Variants in ZBTB2 observed in about 807,000 individuals in gnomAD.
ZBTB2 encodes the protein zinc finger and BTB domain-containing protein 2.
Under a neutral mutation model 39.5 loss-of-function variants are expected in ZBTB2, and 2 were observed. The ratio of observed to expected loss-of-function variants is 0.05; its 90% confidence interval spans 0.02 to 0.16. The LOEUF is 0.16. Among genes scored for constraint, ZBTB2 ranks in the 10% least tolerant of loss-of-function variants. The pLI is 1.00. For missense variants in ZBTB2, 391 were observed against 653.0 expected (o/e 0.60, Z 4.37); for synonymous variants, 251 against 256.6 (o/e 0.98, Z 0.21).
chr6:151,387,814 G>A (rs1485487976), intron 1 of ZBTB2, among the ~76,000 whole-genome samples: 1 of 152,130 alleles, frequency 6.6e-6, no homozygotes, highest in Non-Finnish European at 1.5e-5. Context: ...GCATAAATAT[G>A]AGCCTCCAAG....
At chr6:151,389,385 TAAATC>T (rs1455824600) in intron 1 of ZBTB2, among the ~76,000 whole-genome samples, 4 of 152,230 alleles carry the variant, frequency 2.6e-5, no homozygotes, top group Admixed American at 2.0e-4. Context: ...TGGTTTGTGA[TAAATC>T]AGTCAAATGA....
At position 151,366,031 on chromosome 6, in the gene ZBTB2, G is replaced by A; in HGVS notation, c.1035C>T (p.Asp345=). ...GGTCGGCCTGCTCCAGGTTGTCAAT[G>A]TCAGCAATGTCTGAGGGGGGTGGGG... ...SETPPPSDIA[D]IDNLEQADQE... is the part of the protein sequence containing the mutation. The change falls in exon 3 of 3, where the codon GAC becomes GAT. Residue 345 remains aspartate, a synonymous_variant. Coordinates refer to ENST00000325144, the MANE Select transcript of ZBTB2 (RefSeq NM_020861.3). The surrounding 1 kb of genome is among the most constrained non-coding windows in gnomAD (Gnocchi z 7.1). The A allele has an allele frequency of 2.5e-6, 4 of 1,614,162 alleles. No individual in the cohort carries two copies. The highest frequency in any genetic ancestry group is 3.4e-6 in the Non-Finnish European group (4 of 1,180,026).
At chr6:151,390,079 C>T in intron 1 of ZBTB2, among the ~76,000 whole-genome samples, 1 of 152,110 alleles carries the variant, frequency 6.6e-6, no homozygotes, top group African/African-American at 2.4e-5. Flanking sequence ...AAGCACAGCG[C>T]GCTCGGGGCC....
intron 1 of ZBTB2, among the ~76,000 whole-genome samples, chr6:151,389,388 A>G (rs1408676289): frequency 2.6e-5 from 4 of 152,214 alleles, no homozygotes; most frequent in Non-Finnish European, 5.9e-5. Flanking sequence ...TTTGTGATAA[A>G]TCAGTCAAAT....
At chr6:151,384,935 A>T (rs1779121154) in intron 1 of ZBTB2, among the ~76,000 whole-genome samples, 1 of 152,016 alleles carries the variant, frequency 6.6e-6, no homozygotes, top group Non-Finnish European at 1.5e-5. Context: ...CCTACAGAGC[A>T]TTCCTAAAAG....
rs1482358536 is a variant in ZBTB2, at chr6:151,365,437, T to C, written c.*84A>G. ...ACAAGGACCTGTTTGTATCATGCCATGGAGAACTACAGTTCTGAATTCAGG... is the reference window on the plus strand; with the variant it reads ...ACAAGGACCTGTTTGTATCATGCCACGGAGAACTACAGTTCTGAATTCAGG... On this transcript the variant is annotated 3_prime_UTR_variant, in exon 3 of 3. Coordinates refer to ENST00000325144, the MANE Select transcript of ZBTB2 (RefSeq NM_020861.3). This position sits in a 1 kb window ranked among gnomAD's most constrained non-coding sequence, Gnocchi z 5.6. 1 of 1,463,914 alleles carries C rather than the reference T, an allele frequency of 6.8e-7. No homozygotes were observed. The highest frequency in any genetic ancestry group is 9.2e-7 in the Non-Finnish European group (1 of 1,085,218). 90.7% of individuals were successfully genotyped at this position (1,463,914 alleles called of 1,614,324 possible).
At chr6:151,379,277 T>C (rs1778981791) in intron 1 of ZBTB2, among the ~76,000 whole-genome samples, 2 of 152,130 alleles carry the variant, frequency 1.3e-5, no homozygotes, top group Non-Finnish European at 2.9e-5. Flanking sequence ...TATTGACCAT[T>C]TGTATTTCCT....
intron 1 of ZBTB2, among the ~76,000 whole-genome samples, chr6:151,377,190 G>C (rs1455049184): frequency 6.6e-6 from 1 of 152,006 alleles, no homozygotes; most frequent in East Asian, 1.9e-4. Context: ...GCATGGCTAT[G>C]GAAGGGCAAC....
chr6:151,390,850 C>G (rs1328294619), intron 1 of ZBTB2, among the ~76,000 whole-genome samples: 1 of 147,402 alleles, frequency 6.8e-6, no homozygotes, highest in Non-Finnish European at 1.5e-5. Flanking sequence ...CAGCAGGAGG[C>G]GGCGGCGAGG....
chr6:151,373,756 C>A, intron 1 of ZBTB2, 107 bp from the exon 2 acceptor site: 1 of 949,870 alleles, frequency 1.1e-6, no homozygotes, highest in Non-Finnish European at 1.5e-6. Context: ...TCATAGCTAA[C>A]GTGTCAGGCA....
At chr6:151,384,029 G>A (rs768357547) in intron 1 of ZBTB2, among the ~76,000 whole-genome samples, 24 of 152,172 alleles carry the variant, frequency 1.6e-4, no homozygotes, top group Admixed American at 5.9e-4. Flanking sequence ...TACCAGCTGG[G>A]TGACTGAGGG....
intron 1 of ZBTB2, among the ~76,000 whole-genome samples, chr6:151,390,338 C>T (rs1385777944): frequency 2.5e-5 from 3 of 121,056 alleles, no homozygotes; most frequent in African/African-American, 4.0e-5. Context: ...CCGGTCTCGC[C>T]GGCCCCGCCC....
chr6:151,389,090 AG>A, intron 1 of ZBTB2, among the ~76,000 whole-genome samples: 1 of 152,346 alleles, frequency 6.6e-6, no homozygotes, highest in Non-Finnish European at 1.5e-5. Context: ...CCAGTTTAAA[AG>A]GATGTCCTAT....
chr6:151,390,385 G>A (rs536617088), intron 1 of ZBTB2, among the ~76,000 whole-genome samples: 1 of 150,432 alleles, frequency 6.6e-6, no homozygotes, highest in African/African-American at 2.4e-5. Context: ...TGAGGGGGAG[G>A]GAGGGGCGAC....
In ZBTB2 at chr6:151,366,400, C is replaced by T; in HGVS notation, c.666G>A (p.Leu222=). Residue 222 remains leucine, a synonymous_variant, in exon 3 of 3, where the codon CTG becomes CTA. Coordinates refer to ENST00000325144, the MANE Select transcript of ZBTB2 (RefSeq NM_020861.3). The surrounding 1 kb of genome is among the most constrained non-coding windows in gnomAD (Gnocchi z 7.1). ...GCTGCTCATCGGAGGAAGATGCTTC[C>T]AGATTGGTCTCCTCCCCGGGAGGAG... is the stretch of plus-strand genomic sequence containing the variant. The part of the protein sequence containing the change: ...PPPPPGEETN[L]EASSSDEQPA... 1 of 1,614,062 alleles carries T rather than the reference C, an allele frequency of 6.2e-7. No homozygotes were observed. The highest frequency in any genetic ancestry group is 8.5e-7 in the Non-Finnish European group (1 of 1,180,016).
At chr6:151,383,347 G>A (rs1026967363) in intron 1 of ZBTB2, among the ~76,000 whole-genome samples, 6 of 152,172 alleles carry the variant, frequency 3.9e-5, no homozygotes, top group African/African-American at 1.4e-4. Flanking sequence ...ACCTTGCCCA[G>A]CTAATTATAT....
At chr6:151,391,024 A>ACCCTCCCTCCGATCCGCCGCCCG (rs1779291707) in intron 1 of ZBTB2, among the ~76,000 whole-genome samples, 2 of 14,234 alleles carry the variant, frequency 1.4e-4, no homozygotes, top group Admixed American at 5.6e-4. Context: ...CCTCCCTCCC[A>ACCCTCCCTCCGATCCGCCGCCCG]CCCTCCCTCC....
chr6:151,374,993 G>A (rs1462572364), intron 1 of ZBTB2, among the ~76,000 whole-genome samples: 5 of 149,950 alleles, frequency 3.3e-5, no homozygotes, highest in South Asian at 2.1e-4. Flanking sequence ...GGTGGCAGGC[G>A]CCTGTAGTCC....
At chr6:151,377,443 A>C (rs1778938583) in intron 1 of ZBTB2, among the ~76,000 whole-genome samples, 2 of 147,530 alleles carry the variant, frequency 1.4e-5, no homozygotes, top group South Asian at 2.1e-4. Context: ...ATCTTAACTC[A>C]CTGCAACCTC....
Sources: gnomAD v4.1 joint callset for allele counts (sites outside exome capture counted in the v4.1 genomes callset) on GRCh38, gnomAD v4.1.1 for gene constraint, Gnocchi (gnomAD v3.1) non-coding constraint, MANE v1.5 for transcripts, NCBI Gene and HGNC (gene_info 2026-07-23, HGNC 2026-07-21) for gene names.